Variants in TDRD1 observed in about 807,000 individuals in gnomAD.
The protein encoded by TDRD1 is tudor domain-containing protein 1.
A neutral mutation model predicts 140.6 loss-of-function variants in TDRD1; 37 were observed. The observed-to-expected ratio is 0.26, with a 90% CI of 0.20 to 0.35. The LOEUF (loss-of-function observed/expected upper bound fraction) is 0.35. TDRD1 is among the 10% of genes least tolerant of loss of function. The probability of loss-of-function intolerance (pLI) is 1.00; values close to 1 mark genes in which losing one functional copy is unlikely to be tolerated. For missense variants in TDRD1, 1,243 were observed against 1,393.0 expected (o/e 0.89, Z 1.71); for synonymous variants, 506 against 475.7 (o/e 1.06, Z -0.83).
chr10:114,186,946 A>C (rs2033581449), intron 1 of TDRD1, among the ~76,000 whole-genome samples: 1 of 152,196 alleles, frequency 6.6e-6, no homozygotes, highest in East Asian at 1.9e-4. Context: ...TACTCATGCC[A>C]GTTTCAGCTG....
chr10:114,184,754 A>G (rs1261943419), intron 1 of TDRD1, among the ~76,000 whole-genome samples: 3 of 152,156 alleles, frequency 2.0e-5, no homozygotes, highest in Admixed American at 6.5e-5. Context: ...TAATTGTCAC[A>G]TGGTTATGTT....
intron 3 of TDRD1, among the ~76,000 whole-genome samples, chr10:114,192,179 A>AATGGATT (rs2034012743): frequency 6.8e-6 from 1 of 147,982 alleles, no homozygotes; most frequent in Admixed American, 6.8e-5. Context: ...TAATAAAGTC[A>AATGGATT]GTTTTTCTTT....
chr10:114,204,839 A>C, exon 10 of TDRD1: 3 of 1,597,914 alleles, frequency 1.9e-6, no homozygotes, highest in Non-Finnish European at 2.6e-6. Flanking sequence ...GATTGTCGAC[A>C]TCTTGGAAGA....
exon 26 of TDRD1, chr10:114,231,898 T>C (rs1053680363): frequency 5.5e-6 from 1 of 180,316 alleles, no homozygotes; most frequent in African/African-American, 2.4e-5. Flanking sequence ...CAGTGAGCTA[T>C]GATAGTGCCA....
At chr10:114,203,705 C>A in intron 8 of TDRD1, 138 bp downstream of exon 8, 1 of 770,914 alleles carries the variant, frequency 1.3e-6, no homozygotes, top group Non-Finnish European at 2.0e-6. Flanking sequence ...TTCAGTATCC[C>A]GTGCTCTGTT....
chr10:114,203,246 T>C (rs1358596373), intron 7 of TDRD1, 70 bp downstream of exon 7: 13 of 1,497,900 alleles, frequency 8.7e-6, no homozygotes, highest in Non-Finnish European at 1.2e-5. Flanking sequence ...TTCCTATTTT[T>C]GAGTTCATGC....
intron 6 of TDRD1, 95 bp from the exon 7 acceptor site, chr10:114,202,977 G>A (rs1023848440): frequency 2.4e-5 from 19 of 795,026 alleles, no homozygotes; most frequent in Non-Finnish European, 4.4e-6. Flanking sequence ...CTAAGAGTTA[G>A]GATATTGTGA....
intron 3 of TDRD1, among the ~76,000 whole-genome samples, chr10:114,193,231 A>G (rs2034107215): frequency 6.8e-6 from 1 of 146,394 alleles, no homozygotes; most frequent in Non-Finnish European, 1.5e-5. Flanking sequence ...CATTATTAAT[A>G]TGTGGAAATA....
At chr10:114,177,029 A>C (rs936667236), upstream of TDRD1, among the ~76,000 whole-genome samples, 4 of 152,218 alleles carry the variant, frequency 2.6e-5, no homozygotes, top group African/African-American at 9.7e-5. Flanking sequence ...CCTGTGGCCA[A>C]AGCTGGAAAA....
intron 21 of TDRD1, among the ~76,000 whole-genome samples, chr10:114,223,901 C>T (rs1179697507): frequency 1.3e-5 from 2 of 152,144 alleles, no homozygotes; most frequent in Admixed American, 6.5e-5. Flanking sequence ...GCTGCTTGTC[C>T]CCCAGACCTG....
chr10:114,203,005 A>T, intron 6 of TDRD1, 67 bp from the exon 7 acceptor site: 1 of 1,000,230 alleles, frequency 1.0e-6, no homozygotes, highest in Non-Finnish European at 1.6e-6. Flanking sequence ...TCCGACGTGT[A>T]GTGGCCATAG....
chr10:114,208,872 C>T (rs1278935190), intron 11 of TDRD1, among the ~76,000 whole-genome samples: 2 of 151,496 alleles, frequency 1.3e-5, no homozygotes, highest in Admixed American at 1.3e-4. Flanking sequence ...CTCCTAGGTT[C>T]AAGTGATTCT....
chr10:114,188,998 GCCTCTGGGCTT>G (rs2120198844), intron 2 of TDRD1, among the ~76,000 whole-genome samples: 1 of 152,212 alleles, frequency 6.6e-6, no homozygotes, highest in East Asian at 1.9e-4. Flanking sequence ...GTGCGCTTGG[GCCTCTGGGCTT>G]CCCCAGGAGG....
chr10:114,186,589 G>A (rs959028925), intron 1 of TDRD1, among the ~76,000 whole-genome samples: 3 of 152,064 alleles, frequency 2.0e-5, no homozygotes, highest in South Asian at 4.1e-4. Flanking sequence ...GTAATTGAAC[G>A]ACATTGCTCT....
rs2034911171 is a variant in TDRD1, at chr10:114,203,657, AG to A, written c.981+92del. On this transcript the variant is annotated intron_variant, in intron 8 of 25. Transcript: ENST00000251864. Reference sequence around the variant, plus strand: ...CCAGAGCTTTTAATGATGCATGACAAGGCTTAAAGCCAGCCTCTGATCACGC... The same window carrying A: ...CCAGAGCTTTTAATGATGCATGACAAGCTTAAAGCCAGCCTCTGATCACGC... 8 of 1,193,994 alleles carry A rather than the reference AG, an allele frequency of 6.7e-6. No individual in the cohort carries two copies. The Admixed American group carries it at 1.9e-4, about 29-fold the overall frequency. The allele number at this position is 1,193,994 out of a possible 1,614,324, so 74.0% of individuals were successfully genotyped here.
intron 1 of TDRD1, 109 bp downstream of exon 1, chr10:114,179,525 C>G (rs1246662089): frequency 6.6e-6 from 1 of 152,450 alleles, no homozygotes; most frequent in Admixed American, 6.6e-5. Context: ...TGAGGTTGGG[C>G]GTTGAGCGGG....
At chr10:114,231,420 T>C in intron 25 of TDRD1, 2 of 1,318,430 alleles carry the variant, frequency 1.5e-6, no homozygotes, top group Non-Finnish European at 2.2e-6. Context: ...GTATTTGAAA[T>C]TAAAAGCCAT....
intron 4 of TDRD1, among the ~76,000 whole-genome samples, chr10:114,200,432 AT>A (rs1156511546): frequency 1.3e-5 from 2 of 151,688 alleles, no homozygotes; most frequent in Non-Finnish European, 2.9e-5. Flanking sequence ...CACTGATGGG[AT>A]TTTTTAAAAA....
exon 19 of TDRD1, chr10:114,220,774 C>T (rs770697471): frequency 6.2e-7 from 1 of 1,610,896 alleles, no homozygotes; most frequent in Admixed American, 1.7e-5. Context: ...TGCTTCACCA[C>T]ATAAAGACTT....
Sources: allele counts gnomAD v4.1 joint callset (sites outside exome capture counted in the v4.1 genomes callset), GRCh38; gene constraint gnomAD v4.1.1; transcripts MANE v1.5; gene names NCBI Gene and HGNC (gene_info 2026-07-23, HGNC 2026-07-21).